Variants in CACNA2D3 observed in about 807,000 individuals in gnomAD.
The protein encoded by CACNA2D3 is voltage-dependent calcium channel subunit alpha-2/delta-3.
In CACNA2D3, 60 loss-of-function variants were observed where a neutral mutation model predicts 160.6. That is an observed-to-expected ratio of 0.37 (90% CI 0.30 to 0.46). CACNA2D3 has a LOEUF of 0.46. Among genes scored for constraint, CACNA2D3 ranks in the 20% least tolerant of loss-of-function variants. The pLI is 1.00. For missense variants in CACNA2D3, 1,205 were observed against 1,365.0 expected (o/e 0.88, Z 1.85); for synonymous variants, 558 against 492.9 (o/e 1.13, Z -1.75).
At chr3:54,401,249 A>G (rs1699458149) in intron 4 of CACNA2D3, among the ~76,000 whole-genome samples, 1 of 152,224 alleles carries the variant, frequency 6.6e-6, no homozygotes, top group Non-Finnish European at 1.5e-5. Context: ...AACTTATGAA[A>G]TGCCATCAAG....
At chr3:54,509,883 A>G (rs1184016949) in intron 5 of CACNA2D3, among the ~76,000 whole-genome samples, 1 of 152,224 alleles carries the variant, frequency 6.6e-6, no homozygotes, top group Non-Finnish European at 1.5e-5. Flanking sequence ...CAATGCCTCC[A>G]TACTTCTGCA....
intron 3 of CACNA2D3, among the ~76,000 whole-genome samples, chr3:54,333,204 G>A (rs1033616816): frequency 1.3e-5 from 2 of 152,054 alleles, no homozygotes; most frequent in African/African-American, 2.4e-5. Flanking sequence ...TTATTTCAAT[G>A]TCTTCCTCAC....
chr3:54,126,865 G>T (rs1186331735), intron 2 of CACNA2D3, among the ~76,000 whole-genome samples: 2 of 152,210 alleles, frequency 1.3e-5, no homozygotes, highest in Non-Finnish European at 2.9e-5. Flanking sequence ...ATGCCAGTCA[G>T]TATTCAGCTG....
intron 3 of CACNA2D3, among the ~76,000 whole-genome samples, chr3:54,343,505 A>G (rs1202489609): frequency 6.6e-6 from 1 of 152,066 alleles, no homozygotes; most frequent in Non-Finnish European, 1.5e-5. Flanking sequence ...GCTGGTCTCA[A>G]ACTCCAGAGC....
intron 5 of CACNA2D3, among the ~76,000 whole-genome samples, chr3:54,533,527 G>A (rs545579885): frequency 6.6e-6 from 1 of 152,034 alleles, no homozygotes; most frequent in Admixed American, 6.5e-5. Context: ...TAGCGATGGG[G>A]TTTTGCCATG....
At chr3:54,454,439 T>G (rs1220436317) in intron 4 of CACNA2D3, among the ~76,000 whole-genome samples, 2 of 152,206 alleles carry the variant, frequency 1.3e-5, no homozygotes, top group Non-Finnish European at 2.9e-5. Flanking sequence ...ATTATAACTT[T>G]GCATATGGTA....
chr3:54,196,861 C>G (rs1701090510), intron 2 of CACNA2D3, among the ~76,000 whole-genome samples: 1 of 152,182 alleles, frequency 6.6e-6, no homozygotes, highest in African/African-American at 2.4e-5. Context: ...TAAGATAATG[C>G]ATGCGTCCGA....
At chr3:54,370,850 A>C (rs1463067299) in intron 3 of CACNA2D3, among the ~76,000 whole-genome samples, 1 of 151,956 alleles carries the variant, frequency 6.6e-6, no homozygotes, top group Non-Finnish European at 1.5e-5. Context: ...AAAAAAAAAA[A>C]AAACAGTACA....
At chr3:55,045,870 T>C (rs1023870801) in intron 35 of CACNA2D3, among the ~76,000 whole-genome samples, 3 of 152,046 alleles carry the variant, frequency 2.0e-5, no homozygotes, top group African/African-American at 7.2e-5. Flanking sequence ...GATTTCTCTA[T>C]TGTTTTCTAT....
intron 11 of CACNA2D3, among the ~76,000 whole-genome samples, chr3:54,676,031 C>T (rs145812713): frequency 6.6e-6 from 1 of 152,278 alleles, no homozygotes; most frequent in East Asian, 1.9e-4. Flanking sequence ...TGTGTAAGTG[C>T]TGGGTTTTCA....
At chr3:54,957,769 A>G (rs1181141229) in intron 27 of CACNA2D3, among the ~76,000 whole-genome samples, 1 of 152,094 alleles carries the variant, frequency 6.6e-6, no homozygotes, top group Non-Finnish European at 1.5e-5. Context: ...TCCGTCTGTC[A>G]TCTCTCACCC....
chr3:54,238,681 C>T (rs1277771211), intron 2 of CACNA2D3, among the ~76,000 whole-genome samples: 2 of 152,086 alleles, frequency 1.3e-5, no homozygotes, highest in East Asian at 1.9e-4. Context: ...AGGTCATTTC[C>T]AATTTAAGTC....
chr3:54,437,740 C>T (rs936461882), intron 4 of CACNA2D3, among the ~76,000 whole-genome samples: 1 of 152,228 alleles, frequency 6.6e-6, no homozygotes, highest in African/African-American at 2.4e-5. Flanking sequence ...TTTCTTCACT[C>T]TCTTTATTCA....
chr3:54,759,324 A>G (rs1702038240), intron 12 of CACNA2D3, among the ~76,000 whole-genome samples: 1 of 152,158 alleles, frequency 6.6e-6, no homozygotes, highest in African/African-American at 2.4e-5. Flanking sequence ...TTTAACAGGA[A>G]AAAAACAGAG....
At chr3:54,391,161 T>C (rs1207500145) in intron 4 of CACNA2D3, among the ~76,000 whole-genome samples, 1 of 152,244 alleles carries the variant, frequency 6.6e-6, no homozygotes, top group Non-Finnish European at 1.5e-5. Context: ...ATTCATGTGC[T>C]TCAAAGTGAA....
intron 34 of CACNA2D3, among the ~76,000 whole-genome samples, chr3:55,009,927 G>T (rs1185004753): frequency 2.6e-5 from 4 of 152,150 alleles, no homozygotes; most frequent in African/African-American, 9.7e-5. Flanking sequence ...CATGGGTTGT[G>T]GAGTTAGAAT....
intron 11 of CACNA2D3, among the ~76,000 whole-genome samples, chr3:54,736,346 A>G (rs1701532453): frequency 6.6e-6 from 1 of 151,800 alleles, no homozygotes; most frequent in South Asian, 2.1e-4. Context: ...AGGTTGTTGT[A>G]ATTTTTCTGT....
chr3:54,477,846 C>T (rs753851058), intron 4 of CACNA2D3, among the ~76,000 whole-genome samples: 1 of 152,088 alleles, frequency 6.6e-6, no homozygotes, highest in South Asian at 2.1e-4. Flanking sequence ...CAGTTTTTCC[C>T]GTGGTGTACC....
chr3:54,125,997 T>C (rs1239615504), intron 2 of CACNA2D3, among the ~76,000 whole-genome samples: 1 of 152,218 alleles, frequency 6.6e-6, no homozygotes, highest in Non-Finnish European at 1.5e-5. Flanking sequence ...GCATTAACAC[T>C]GTATTAAGGG....
Sources: gnomAD v4.1 joint callset for allele counts (sites outside exome capture counted in the v4.1 genomes callset) on GRCh38, gnomAD v4.1.1 for gene constraint, MANE v1.5 for transcripts, NCBI Gene and HGNC (gene_info 2026-07-23, HGNC 2026-07-21) for gene names.